BCL6: variants seen among roughly 807,000 people sequenced by gnomAD.
BCL6 encodes B-cell lymphoma 6 protein.
In BCL6, 7 loss-of-function variants were observed where a neutral mutation model predicts 59.5. The ratio of observed to expected loss-of-function variants is 0.12; its 90% CI spans 0.07 to 0.22. BCL6 has a LOEUF of 0.22. Among genes scored for constraint, BCL6 ranks in the 10% least tolerant of loss-of-function variants. The pLI is 1.00. For synonymous variants in BCL6, 339 were observed against 349.7 expected (o/e 0.97, Z 0.34); for missense variants, 685 against 939.4 (o/e 0.73, Z 3.54).
intron 1 of BCL6, among the ~76,000 whole-genome samples, chr3:187,743,420 C>A (rs1711692073): frequency 6.6e-6 from 1 of 152,056 alleles, no homozygotes; most frequent in Non-Finnish European, 1.5e-5. Context: ...ACTTTCAGCA[C>A]CTGGTTTGGG....
At chr3:187,744,839 A>G (rs529590099) in intron 1 of BCL6, among the ~76,000 whole-genome samples, 4 of 152,254 alleles carry the variant, frequency 2.6e-5, no homozygotes, top group Admixed American at 6.5e-5. Flanking sequence ...CAAGCGAGAA[A>G]AGAGGGAAAA....
chr3:187,740,284 G>A (rs1441492120), intron 1 of BCL6, among the ~76,000 whole-genome samples: 3 of 152,212 alleles, frequency 2.0e-5, no homozygotes, highest in Admixed American at 1.3e-4. Context: ...ATGTTAGGAA[G>A]GGGAAGAGAG....
intron 1 of BCL6, chr3:187,736,753 C>G (rs974749550): frequency 1.3e-5 from 2 of 152,220 alleles, no homozygotes; most frequent in East Asian, 1.9e-4. Context: ...ACCAGCCCCC[C>G]CCAACTCCTG....
intron 1 of BCL6, among the ~76,000 whole-genome samples, chr3:187,744,827 T>G (rs544401855): frequency 1.6e-4 from 24 of 152,042 alleles, no homozygotes; most frequent in African/African-American, 5.8e-4. Flanking sequence ...GAAAGCAGTT[T>G]GCAAGCGAGA....
Position 187,744,612 on chromosome 3 carries a change from C to T in BCL6, c.-50+798G>A, listed in dbSNP as rs544657333. ...AACAAAAACCCAAAGAGTTCGCTTG[C>T]ATTTTTTCCTTCCAAATCTCGGTTC... is the stretch of plus-strand genomic sequence containing the variant. On this transcript the variant is annotated intron_variant, in intron 1 of 9. Coordinates refer to ENST00000406870, the MANE Select transcript of BCL6 (RefSeq NM_001706.5). Among the ~76,000 whole-genome samples, 7 of 152,168 alleles carry T rather than the reference C, an allele frequency of 4.6e-5. No individual in the cohort carries two copies. The East Asian group carries it at 1.4e-3, about 29-fold the overall frequency.
At chr3:187,744,098 T>C (rs1711747875) in intron 1 of BCL6, among the ~76,000 whole-genome samples, 1 of 152,164 alleles carries the variant, frequency 6.6e-6, no homozygotes, top group Non-Finnish European at 1.5e-5. Context: ...GGCCCGCAGT[T>C]CCCTTTTTAC....
intron 6 of BCL6, 69 bp from the exon 7 acceptor site, chr3:187,726,967 T>A (rs1718737663): frequency 1.3e-6 from 2 of 1,539,852 alleles, no homozygotes; most frequent in Non-Finnish European, 1.8e-6. Context: ...AAGGCCGCTC[T>A]CCTCTGTAGC....
Position 187,729,449 on chromosome 3 carries a change from G to C in BCL6, c.956C>G (p.Pro319Arg). Residue 319 changes from proline (P) to arginine (R), a missense_variant, in exon 5 of 10, where the codon CCC (proline) becomes CGC (arginine). Around this residue, in one of 7 missense-constraint regions of BCL6, gnomAD observed 268 missense variants for 263.8 expected, o/e 1.02. Coordinates refer to ENST00000406870, the MANE Select transcript of BCL6 (RefSeq NM_001706.5). This position sits in a 1 kb window ranked among gnomAD's most constrained non-coding sequence, Gnocchi z 5.6. ...EDEIALHFEP[P>R]NAPLNRKGLV... ...ACCCTTCCGGTTCAGGGGTGCATTG[G>C]GGGGCTCGAAATGCAGGGCAATCTC... 3.7e-6 allele frequency: 6 copies of C among 1,610,060 alleles called. No individual in the cohort carries two copies. Among genetic ancestry groups the C allele is most frequent in the African/African-American group, 1.3e-5 (1 of 74,866 alleles).
Position 187,721,931 on chromosome 3 carries a change from T to A in BCL6, c.*527A>T, listed in dbSNP as rs1052801689. ...AACGCAGTTTTATATTTTTAATATA[T>A]CTTTTTTAGGTTTATATATATTTAT... On this transcript the variant is annotated 3_prime_UTR_variant, in exon 10 of 10. Transcript: ENST00000406870. This position sits in a 1 kb window ranked among gnomAD's most constrained non-coding sequence, Gnocchi z 4.2. 5.2e-6 allele frequency: 1 copy of A among 191,402 alleles called. No individual in the cohort carries two copies. The highest frequency in any genetic ancestry group is 2.3e-5 in the African/African-American group (1 of 42,810). 11.9% of individuals were successfully genotyped at this position (191,402 alleles called of 1,614,324 possible).
At chr3:187,735,218 C>A (rs1257458444) in intron 1 of BCL6, among the ~76,000 whole-genome samples, 1 of 152,156 alleles carries the variant, frequency 6.6e-6, no homozygotes, top group African/African-American at 2.4e-5. Flanking sequence ...TATCCAAAGG[C>A]CACTAGAGTT....
intron 1 of BCL6, among the ~76,000 whole-genome samples, chr3:187,745,135 A>G (rs1560161694): frequency 2.0e-5 from 3 of 152,192 alleles, no homozygotes; most frequent in South Asian, 4.2e-4. Context: ...ATAATAATAA[A>G]TACATAACAA....
At chr3:187,723,892 C>G (rs1204700875) in intron 9 of BCL6, among the ~76,000 whole-genome samples, 1 of 152,200 alleles carries the variant, frequency 6.6e-6, no homozygotes, top group Non-Finnish European at 1.5e-5. Flanking sequence ...TTTACTATTA[C>G]TATGTGCATG....
chr3:187,744,011 G>C (rs1711741533), intron 1 of BCL6, among the ~76,000 whole-genome samples: 1 of 152,202 alleles, frequency 6.6e-6, no homozygotes, highest in African/African-American at 2.4e-5. Context: ...AGGAACGCGG[G>C]CTGGGGCTCT....
chr3:187,744,084 C>T (rs1711746844), intron 1 of BCL6, among the ~76,000 whole-genome samples: 1 of 152,072 alleles, frequency 6.6e-6, no homozygotes, highest in African/African-American at 2.4e-5. Flanking sequence ...GTCCACTACG[C>T]TCAGGCCCGC....
intron 1 of BCL6, among the ~76,000 whole-genome samples, chr3:187,744,774 A>T (rs564356433): frequency 1.3e-5 from 2 of 152,012 alleles, no homozygotes; most frequent in Admixed American, 6.6e-5. Context: ...AGGCGAGGAA[A>T]AAGAGGAGGG....
Position 187,722,319 on chromosome 3 carries a change from A to ACCCCCCAC in BCL6, c.*138_*139insGTGGGGGG. The ACCCCCCAC allele has an allele frequency of 9.9e-6, 1 of 101,348 alleles. No individual in the cohort carries two copies. Among genetic ancestry groups the ACCCCCCAC allele is most frequent in the South Asian group, 3.6e-4 (1 of 2,752 alleles). 6.3% of individuals were successfully genotyped at this position (101,348 alleles called of 1,614,324 possible). On this transcript the variant is annotated 3_prime_UTR_variant, in exon 10 of 10. Coordinates refer to ENST00000406870, the MANE Select transcript of BCL6 (RefSeq NM_001706.5). ...AGTCCCCCAGGCCCCGACCCCCACC[A>ACCCCCCAC]CCCCCAACCCCCAGCTATGATTTGC...
chr3:187,743,739 T>G (rs1579830646), intron 1 of BCL6, among the ~76,000 whole-genome samples: 1 of 111,568 alleles, frequency 9.0e-6, no homozygotes, highest in Admixed American at 8.9e-5. Flanking sequence ...CCGCCCTTTC[T>G]CCCCGCCCGC....
intron 1 of BCL6, among the ~76,000 whole-genome samples, chr3:187,739,946 C>A (rs1454328835): frequency 2.0e-5 from 3 of 152,202 alleles, no homozygotes; most frequent in African/African-American, 7.2e-5. Flanking sequence ...AACTTGACCG[C>A]GCTTCAAACT....
intron 1 of BCL6, among the ~76,000 whole-genome samples, chr3:187,744,844 GGA>G (rs1711830240): frequency 6.6e-6 from 1 of 152,016 alleles, no homozygotes; most frequent in Admixed American, 6.6e-5. Flanking sequence ...GAGAAAAGAG[GGA>G]AAAAACACAG....
Sources: allele counts gnomAD v4.1 joint callset (sites outside exome capture counted in the v4.1 genomes callset), GRCh38; gene constraint gnomAD v4.1.1; regional missense constraint gnomAD v4.1.1; non-coding constraint Gnocchi (gnomAD v3.1); transcripts MANE v1.5; gene names NCBI Gene and HGNC (gene_info 2026-07-23, HGNC 2026-07-21).